The following PTPRT variants were observed in gnomAD, a reference collection of about 807,000 sequenced individuals.
PTPRT encodes protein tyrosine phosphatase receptor type T, also known as receptor-type tyrosine-protein phosphatase T.
PTPRT carries 56 observed loss-of-function variants against 176.8 expected under a neutral mutation model. The ratio of observed to expected loss-of-function variants is 0.32; its 90% CI spans 0.26 to 0.40. The LOEUF is 0.40. Among genes scored for constraint, PTPRT ranks in the 10% least tolerant of loss-of-function variants. PTPRT has a pLI of 1.00. For missense variants in PTPRT, 1,540 were observed against 1,908.2 expected (o/e 0.81, Z 3.60); for synonymous variants, 783 against 739.0 (o/e 1.06, Z -0.96).
chr20:42,771,378 C>A, intron 5 of PTPRT, 57 bp downstream of exon 5: 1 of 1,459,708 alleles, frequency 6.9e-7, no homozygotes, highest in South Asian at 1.1e-5. Context: ...TCCTTCCAGT[C>A]CTTCTTTTCC....
chr20:42,671,104 C>G (rs1317877629), intron 7 of PTPRT, among the ~76,000 whole-genome samples: 2 of 152,108 alleles, frequency 1.3e-5, no homozygotes, highest in Non-Finnish European at 2.9e-5. Context: ...TGTGGTGTCC[C>G]TATCTCTTGT....
chr20:42,669,378 T>C (rs923555307), intron 7 of PTPRT, among the ~76,000 whole-genome samples: 1 of 152,158 alleles, frequency 6.6e-6, no homozygotes, highest in African/African-American at 2.4e-5. Context: ...ATTAACTCTA[T>C]GGCTTTGATT....
intron 9 of PTPRT, among the ~76,000 whole-genome samples, chr20:42,434,793 C>T (rs2059247586): frequency 7.6e-6 from 1 of 131,226 alleles, no homozygotes; most frequent in Non-Finnish European, 1.7e-5. Context: ...GAAACCCCGT[C>T]TCTATTAAAA....
chr20:42,128,720 C>T lies in PTPRT; in HGVS notation c.2847+34G>A, dbSNP rs11697068. On this transcript the variant is annotated intron_variant, in intron 19 of 30. Coordinates refer to ENST00000373187, the MANE Select transcript of PTPRT (RefSeq NM_007050.6). ...CCACAGATCTTGAGCCTGCAAAAGC[C>T]AGCCCCAGCCCCCAGCCCCATTAAG... is the stretch of plus-strand genomic sequence containing the variant. 1.9e-3 allele frequency: 2,934 copies of T among 1,528,760 alleles called. 3 individuals carry two copies. The highest frequency in any genetic ancestry group is 2.4e-3 in the Non-Finnish European group (2,660 of 1,130,934). The allele number at this position is 1,528,760 out of a possible 1,614,324, so 94.7% of individuals were successfully genotyped here.
At chr20:42,101,875 C>T (rs2425473) in intron 26 of PTPRT, among the ~76,000 whole-genome samples, 103,480 of 152,130 alleles carry the variant, frequency 0.68, 35,948 homozygotes, top group African/African-American at 0.82. Context: ...CATGGTGACA[C>T]GGGAGCCACC....
At chr20:43,028,588 G>A (rs568015258) in intron 1 of PTPRT, among the ~76,000 whole-genome samples, 1 of 152,236 alleles carries the variant, frequency 6.6e-6, no homozygotes, top group Non-Finnish European at 1.5e-5. Flanking sequence ...ATTTCAGGGA[G>A]ACAAGCAGAG....
intron 1 of PTPRT, among the ~76,000 whole-genome samples, chr20:43,127,771 A>G (rs1054716747): frequency 2.0e-5 from 3 of 152,190 alleles, no homozygotes; most frequent in Non-Finnish European, 2.9e-5. Context: ...AGGAATTTGC[A>G]AAAAGAAAAG....
intron 7 of PTPRT, among the ~76,000 whole-genome samples, chr20:42,578,357 C>T (rs1000865550): frequency 6.6e-6 from 1 of 152,074 alleles, no homozygotes; most frequent in Non-Finnish European, 1.5e-5. Flanking sequence ...GGCTCAGAGA[C>T]AGTAAGTATT....
chr20:42,421,172 T>G (rs370011260), intron 9 of PTPRT, among the ~76,000 whole-genome samples: 34 of 152,244 alleles, frequency 2.2e-4, no homozygotes, highest in African/African-American at 7.5e-4. Flanking sequence ...TCTGAAAAAT[T>G]AGATGCAGTC....
At chr20:42,849,207 A>G (rs550375817) in intron 2 of PTPRT, among the ~76,000 whole-genome samples, 175 of 152,282 alleles carry the variant, frequency 1.1e-3, no homozygotes, top group Non-Finnish European at 1.9e-3. Context: ...CTGAGGAAAC[A>G]GGGGTCTTTC....
At chr20:42,279,643 C>T (rs1224302337) in intron 13 of PTPRT, among the ~76,000 whole-genome samples, 1 of 152,158 alleles carries the variant, frequency 6.6e-6, no homozygotes, top group African/African-American at 2.4e-5. Context: ...AAATTAGATC[C>T]AGAGTTACTA....
intron 1 of PTPRT, among the ~76,000 whole-genome samples, chr20:42,889,657 A>G (rs1472239746): frequency 6.6e-6 from 1 of 152,230 alleles, no homozygotes; most frequent in East Asian, 1.9e-4. Context: ...CACACAGTTC[A>G]TGATTCTTCC....
At chr20:42,964,584 C>T (rs996355048) in intron 1 of PTPRT, among the ~76,000 whole-genome samples, 1 of 151,948 alleles carries the variant, frequency 6.6e-6, no homozygotes, top group African/African-American at 2.4e-5. Context: ...TAAGTCCTGA[C>T]AGATCAAAAA....
At chr20:42,972,735 C>G (rs1224499614) in intron 1 of PTPRT, among the ~76,000 whole-genome samples, 1 of 145,362 alleles carries the variant, frequency 6.9e-6, no homozygotes, top group East Asian at 2.1e-4. Context: ...CTAAAGTGAG[C>G]TATGAAAATA....
At chr20:43,099,155 T>C (rs79314844) in intron 1 of PTPRT, among the ~76,000 whole-genome samples, 2 of 35,846 alleles carry the variant, frequency 5.6e-5, no homozygotes, top group African/African-American at 3.5e-4. Flanking sequence ...AATAATGTAT[T>C]TTATATCATG....
chr20:42,166,641 A>G (rs1181099892), intron 16 of PTPRT, among the ~76,000 whole-genome samples: 1 of 152,210 alleles, frequency 6.6e-6, no homozygotes, highest in Non-Finnish European at 1.5e-5. Context: ...AGTCGGGGCC[A>G]GGTGCGGTGG....
intron 7 of PTPRT, among the ~76,000 whole-genome samples, chr20:42,610,393 T>G (rs373825811): frequency 4.1e-5 from 6 of 145,644 alleles, no homozygotes; most frequent in South Asian, 2.2e-4. Context: ...TTTTTTTTTG[T>G]TTTTTTTTTT....
intron 18 of PTPRT, among the ~76,000 whole-genome samples, chr20:42,141,562 G>T (rs985202322): frequency 7.9e-5 from 12 of 152,298 alleles, no homozygotes; most frequent in Admixed American, 2.0e-4. Flanking sequence ...CAGCTGTGGG[G>T]TCTTCCGCAT....
the PTPRT span, among the ~76,000 whole-genome samples, chr20:42,033,581 G>T: frequency 6.6e-6 from 1 of 152,124 alleles, no homozygotes; most frequent in Non-Finnish European, 1.5e-5. Flanking sequence ...GCCTACAGAG[G>T]GTTATGATGC....
Sources: allele counts gnomAD v4.1 joint callset (sites outside exome capture counted in the v4.1 genomes callset), GRCh38; gene constraint gnomAD v4.1.1; transcripts MANE v1.5; gene names NCBI Gene and HGNC (gene_info 2026-07-23, HGNC 2026-07-21).